TUBGCP4: variants seen among roughly 807,000 people sequenced by gnomAD.
TUBGCP4 encodes the protein tubulin gamma complex component 4.
A neutral mutation model predicts 91.6 loss-of-function variants in TUBGCP4; 54 were observed. The ratio of observed to expected loss-of-function variants is 0.59; its 90% confidence interval spans 0.47 to 0.74. The LOEUF is 0.74. Ranked by LOEUF, TUBGCP4 falls within the 30% of genes least tolerant of loss-of-function variation. The pLI is 0.00. For synonymous variants in TUBGCP4, 297 were observed against 302.8 expected (o/e 0.98, Z 0.20); for missense variants, 593 against 800.9 (o/e 0.74, Z 3.13).
At chr15:43,385,333 A>G (rs1243382650) in intron 7 of TUBGCP4, 1 of 455,764 alleles carries the variant, frequency 2.2e-6, no homozygotes, top group East Asian at 6.9e-5. Context: ...GAGGTCTGTG[A>G]CCTAAAAATT....
Position 43,404,485 on chromosome 15 carries a change from T to G in TUBGCP4, c.1921T>G (p.Leu641Val). ...TCGGAATCATCAGATCAACTCAGAT[T>G]TGGCTCAACTACTGTTACGACTAGA... Reference protein sequence around the residue: ...SVRNHQINSDLAQLLLRLDYN... With the variant: ...SVRNHQINSDVAQLLLRLDYN... The change falls in exon 17 of 18, where the codon TTG becomes GTG. Residue 641 changes from leucine to valine, a missense_variant. Leu to Val is a conservative substitution (Grantham distance 32). Coordinates refer to ENST00000564079, the MANE Select transcript of TUBGCP4 (RefSeq NM_014444.5). The G allele has an allele frequency of 6.2e-7, 1 of 1,614,196 alleles. No homozygotes were observed. The highest frequency in any genetic ancestry group is 1.1e-5 in the South Asian group (1 of 91,084).
intron 14 of TUBGCP4, among the ~76,000 whole-genome samples, chr15:43,400,424 G>A (rs1338032830): frequency 6.6e-6 from 1 of 151,996 alleles, no homozygotes; most frequent in Non-Finnish European, 1.5e-5. Flanking sequence ...TAGAGACAGG[G>A]TCTTTCTCTG....
chr15:43,394,844 C>G (rs2044554824), intron 9 of TUBGCP4: 1 of 461,858 alleles, frequency 2.2e-6, no homozygotes. Context: ...TCCCTAGAAG[C>G]CAAGCTGAAG....
intron 7 of TUBGCP4, 112 bp downstream of exon 7, chr15:43,383,616 A>C: frequency 1.2e-6 from 1 of 820,124 alleles, no homozygotes; most frequent in South Asian, 2.4e-5. Flanking sequence ...CCTTCCATCA[A>C]TCCTTTCGAT....
Position 43,386,374 on chromosome 15 carries a change from TATA to T in TUBGCP4, c.1014+45_1014+47del, listed in dbSNP as rs1404310307. On this transcript the variant is annotated intron_variant, in intron 9 of 17. Transcript: ENST00000564079. ...ATATATATATATATATATATATATA[TATA>T]TTTTTTTTTTTTTTTTTTTTTTTCT... is the stretch of plus-strand genomic sequence containing the variant. 50 of 71,248 alleles carry T rather than the reference TATA, an allele frequency of 7.0e-4. 1 individual carries two copies. The East Asian group carries it at 7.3e-3, about 10-fold the overall frequency. 4.4% of individuals were successfully genotyped at this position (71,248 alleles called of 1,614,324 possible).
chr15:43,378,870 G>A (rs544600234), intron 5 of TUBGCP4, among the ~76,000 whole-genome samples: 1 of 152,338 alleles, frequency 6.6e-6, no homozygotes, highest in East Asian at 1.9e-4. Context: ...TAGTAAATGG[G>A]TTTATATCCC....
intron 9 of TUBGCP4, chr15:43,394,083 ATT>A (rs34365893): frequency 0.015 from 1,663 of 113,560 alleles, 18 homozygotes; most frequent in African/African-American, 0.043. Context: ...TTTTCTCACT[ATT>A]TTTTTTTTTT....
At chr15:43,377,498 C>T (rs753329476) in intron 4 of TUBGCP4, 2 of 307,870 alleles carry the variant, frequency 6.5e-6, no homozygotes, top group Non-Finnish European at 1.2e-5. Flanking sequence ...TGGCGTGCAC[C>T]TGTAGTCCCA....
At position 43,401,737 on chromosome 15, in the gene TUBGCP4, T is replaced by C. The variant is rs1186518411; in HGVS notation, c.1618T>C (p.Phe540Leu). ...YLQVDVLESQ[F>L]SQLLHQINST... Reference sequence around the variant, plus strand: ...TCAGGTAGATGTGTTGGAGTCTCAGTTCTCCCAGCTGCTTCATCAGATCAA... The same window carrying C: ...TCAGGTAGATGTGTTGGAGTCTCAGCTCTCCCAGCTGCTTCATCAGATCAA... The change falls in exon 15 of 18, where the codon TTC becomes CTC. Residue 540 changes from phenylalanine to leucine, a missense_variant. Phe to Leu is a conservative substitution (Grantham distance 22). Coordinates refer to ENST00000564079, the MANE Select transcript of TUBGCP4 (RefSeq NM_014444.5). 3 of 1,614,060 alleles carry C rather than the reference T, an allele frequency of 1.9e-6. No individual in the cohort carries two copies. The highest frequency in any genetic ancestry group is 1.7e-6 in the Non-Finnish European group (2 of 1,180,016).
At chr15:43,392,124 T>A (rs1329743855) in intron 9 of TUBGCP4, among the ~76,000 whole-genome samples, 20 of 140,692 alleles carry the variant, frequency 1.4e-4, no homozygotes, top group East Asian at 8.1e-4. Context: ...ACACACATAT[T>A]TTTTTTTGTT....
At chr15:43,401,216 T>A (rs972926031) in intron 14 of TUBGCP4, among the ~76,000 whole-genome samples, 3 of 149,510 alleles carry the variant, frequency 2.0e-5, no homozygotes, top group Non-Finnish European at 4.5e-5. Context: ...TTTGGGAGGC[T>A]GAGCCAAACA....
chr15:43,384,307 T>A (rs1337229082), intron 7 of TUBGCP4, among the ~76,000 whole-genome samples: 2 of 152,144 alleles, frequency 1.3e-5, no homozygotes, highest in Non-Finnish European at 2.9e-5. Context: ...GGGGAAGAGA[T>A]ATAGAAAAGT....
intron 7 of TUBGCP4, 113 bp downstream of exon 7, chr15:43,383,617 T>A (rs1170013856): frequency 8.5e-6 from 7 of 820,974 alleles, no homozygotes; most frequent in Non-Finnish European, 9.0e-6. Flanking sequence ...CTTCCATCAA[T>A]CCTTTCGATG....
chr15:43,409,050 C>T lies in TUBGCP4; in HGVS notation c.*3836C>T, dbSNP rs773338141. ...AAGGCACAGGAAGTACTTCCGGGTTCGACAATGCTGATCCGCAATTAGAAG... is the reference window on the plus strand; with the variant it reads ...AAGGCACAGGAAGTACTTCCGGGTTTGACAATGCTGATCCGCAATTAGAAG... On this transcript the variant is annotated 3_prime_UTR_variant, in exon 18 of 18. Coordinates refer to ENST00000564079, the MANE Select transcript of TUBGCP4 (RefSeq NM_014444.5). The T allele has an allele frequency of 2.8e-5, 45 of 1,613,996 alleles. No individual in the cohort carries two copies. The highest frequency in any genetic ancestry group is 3.3e-5 in the South Asian group (3 of 91,088).
intron 6 of TUBGCP4, among the ~76,000 whole-genome samples, chr15:43,381,736 C>T (rs1214125160): frequency 6.6e-6 from 1 of 150,892 alleles, no homozygotes; most frequent in African/African-American, 2.4e-5. Context: ...TGTCTCAAAA[C>T]AAAAAACAAA....
chr15:43,374,419 C>T (rs139304481), intron 1 of TUBGCP4, among the ~76,000 whole-genome samples: 6 of 152,002 alleles, frequency 3.9e-5, no homozygotes, highest in African/African-American at 9.6e-5. Flanking sequence ...GGCTAGCCTG[C>T]GCAACAGAGC....
chr15:43,387,662 A>G (rs145151674), intron 9 of TUBGCP4, among the ~76,000 whole-genome samples: 1,784 of 152,036 alleles, frequency 0.012, 38 homozygotes, highest in African/African-American at 0.041. Context: ...GGGTTTCACC[A>G]TGTTGGCCAG....
chr15:43,408,811 G>A lies in TUBGCP4; in HGVS notation c.*3597G>A. Reference sequence around the variant, plus strand: ...CCACAGACATTCCAATTTCTAGAAAGCTTTACTCTCTCACCTAGATTCTCT... The same window carrying A: ...CCACAGACATTCCAATTTCTAGAAAACTTTACTCTCTCACCTAGATTCTCT... On this transcript the variant is annotated 3_prime_UTR_variant, in exon 18 of 18. Transcript: ENST00000564079. 1 of 1,345,742 alleles carries A rather than the reference G, an allele frequency of 7.4e-7. No individual in the cohort carries two copies. The highest frequency in any genetic ancestry group is 1.1e-6 in the Non-Finnish European group (1 of 950,532). 83.4% of individuals were successfully genotyped at this position (1,345,742 alleles called of 1,614,324 possible). A position where few individuals can be genotyped will look rare whatever the true frequency, so the allele number is the denominator to read the frequency against.
chr15:43,396,601 C>G (rs997372463), intron 11 of TUBGCP4, among the ~76,000 whole-genome samples: 9 of 152,160 alleles, frequency 5.9e-5, no homozygotes, highest in Non-Finnish European at 1.3e-4. Flanking sequence ...TTAAGCAAAG[C>G]AAAAGGAAAG....
Sources: allele counts gnomAD v4.1 joint callset (sites outside exome capture counted in the v4.1 genomes callset), GRCh38; gene constraint gnomAD v4.1.1; transcripts MANE v1.5; gene names NCBI Gene and HGNC (gene_info 2026-07-23, HGNC 2026-07-21).